DCX: variants seen among roughly 807,000 people sequenced by gnomAD.
DCX encodes the protein neuronal migration protein doublecortin.
In DCX, 4 loss-of-function variants were observed where a neutral mutation model predicts 20.9. The ratio of observed to expected loss-of-function variants is 0.19; its 90% CI spans 0.09 to 0.44. The LOEUF (loss-of-function observed/expected upper bound fraction) is 0.44, where lower values mean the gene tolerates loss of function less well. Among genes scored for constraint, DCX ranks in the 20% least tolerant of loss-of-function variants. The pLI is 0.99. For missense variants in DCX, 133 were observed against 296.9 expected (o/e 0.45, Z 4.06); for synonymous variants, 103 against 111.4 (o/e 0.92, Z 0.47).
chrX:111,316,197 A>G (rs2095071519), intron 5 of DCX, among the ~76,000 whole-genome samples: 1 of 110,202 alleles, frequency 9.1e-6, no homozygotes, highest in Non-Finnish European at 1.9e-5. Context: ...AACCAGCACA[A>G]GACAAGGATG....
chrX:111,339,817 T>C (rs1922063374), intron 3 of DCX, among the ~76,000 whole-genome samples: 1 of 111,897 alleles, frequency 8.9e-6, no homozygotes, highest in Admixed American at 9.5e-5. Flanking sequence ...TCCCTTCAGC[T>C]TTCCTTATCT....
intron 3 of DCX, among the ~76,000 whole-genome samples, chrX:111,379,861 T>C (rs896882819): frequency 9.0e-6 from 1 of 111,192 alleles, no homozygotes; most frequent in East Asian, 2.8e-4. Context: ...TCCTTGCCAA[T>C]GCTTATTATT....
chrX:111,345,908 G>A (rs1230736069), intron 3 of DCX, among the ~76,000 whole-genome samples: 1 of 110,702 alleles, frequency 9.0e-6, no homozygotes, highest in East Asian at 2.9e-4. Flanking sequence ...AGCATCTATT[G>A]TTTCTTGACT....
chrX:111,377,733 T>C (rs1925650180), intron 3 of DCX, among the ~76,000 whole-genome samples: 1 of 111,314 alleles, frequency 9.0e-6, no homozygotes, highest in South Asian at 3.8e-4. Flanking sequence ...CACTCTTCAA[T>C]GTACATTGTC....
At chrX:111,320,077 G>A (rs753909692) in intron 5 of DCX, among the ~76,000 whole-genome samples, 35 of 112,468 alleles carry the variant, frequency 3.1e-4, no homozygotes, top group Non-Finnish European at 4.7e-4. Context: ...TCACTTCACT[G>A]TTGTAAAAAT....
At chrX:111,354,719 A>G (rs1923587555) in intron 3 of DCX, among the ~76,000 whole-genome samples, 1 of 112,420 alleles carries the variant, frequency 8.9e-6, no homozygotes, top group Non-Finnish European at 1.9e-5. Context: ...GCCTGGAACG[A>G]GCTCAACTCA....
chrX:111,410,783 C>T (rs774466898), intron 1 of DCX: 255 of 1,208,251 alleles, frequency 2.1e-4, no homozygotes, highest in Non-Finnish European at 2.8e-4. Flanking sequence ...ATTGGAACTT[C>T]GGGCTAAATA....
intron 3 of DCX, among the ~76,000 whole-genome samples, chrX:111,336,430 G>A (rs992729520): frequency 8.9e-6 from 1 of 112,417 alleles, no homozygotes; most frequent in Non-Finnish European, 1.9e-5. Flanking sequence ...GTCTTTGTGT[G>A]ATCCCATTCC....
intron 3 of DCX, among the ~76,000 whole-genome samples, chrX:111,390,023 T>C (rs1474282719): frequency 8.9e-6 from 1 of 112,077 alleles, no homozygotes; most frequent in Non-Finnish European, 1.9e-5. Flanking sequence ...GGGGAGATTA[T>C]CCAGTTGGGA....
intron 3 of DCX, among the ~76,000 whole-genome samples, chrX:111,393,828 A>G (rs1010132108): frequency 9.0e-6 from 1 of 111,329 alleles, no homozygotes; most frequent in Non-Finnish European, 1.9e-5. Flanking sequence ...GGATGGAGCT[A>G]ATAAAAAAAA....
rs1200962689 is a variant in DCX, at chrX:111,295,484, G to A, written c.*6203C>T. ...TTTAGTTAAAACAGCTCAACAGTTA[G>A]CAAGCCCCAAACAAGATTATTATAG... On this transcript the variant is annotated 3_prime_UTR_variant, in exon 7 of 7. Transcript: ENST00000636035. 8.9e-6 allele frequency: 1 copy of A among 112,081 alleles called. No individual in the cohort carries two copies. The highest frequency in any genetic ancestry group is 1.9e-5 in the Non-Finnish European group (1 of 53,175). 9.2% of individuals were successfully genotyped at this position (112,081 alleles called of 1,213,427 possible).
intron 3 of DCX, among the ~76,000 whole-genome samples, chrX:111,368,348 A>G (rs927742377): frequency 1.8e-5 from 2 of 111,508 alleles, no homozygotes; most frequent in African/African-American, 6.5e-5. Context: ...AAAAAGTCCA[A>G]TTTTCTCAGA....
At chrX:111,395,868 T>C (rs757004831) in intron 3 of DCX, among the ~76,000 whole-genome samples, 108 of 112,297 alleles carry the variant, frequency 9.6e-4, no homozygotes, top group Non-Finnish European at 1.7e-3. Flanking sequence ...AGAGGTTGGC[T>C]CTGAGAGAGC....
chrX:111,343,399 A>G (rs1220372149), intron 3 of DCX, among the ~76,000 whole-genome samples: 1 of 108,051 alleles, frequency 9.3e-6, no homozygotes, highest in Non-Finnish European at 1.9e-5. Context: ...GACTGGACCA[A>G]TAACAAGTTC....
chrX:111,409,161 G>A (rs920193985), intron 2 of DCX, among the ~76,000 whole-genome samples: 16 of 111,211 alleles, frequency 1.4e-4, no homozygotes, highest in African/African-American at 5.2e-4. Context: ...AAATAGGGAA[G>A]CATCCTCAGT....
intron 3 of DCX, among the ~76,000 whole-genome samples, chrX:111,353,670 G>A (rs954656187): frequency 9.0e-6 from 1 of 111,091 alleles, no homozygotes; most frequent in Non-Finnish European, 1.9e-5. Flanking sequence ...TCTAGAATTG[G>A]TCTTTTATTC....
intron 5 of DCX, among the ~76,000 whole-genome samples, chrX:111,325,697 C>T (rs922496965): frequency 2.7e-4 from 30 of 111,825 alleles, no homozygotes; most frequent in Non-Finnish European, 4.7e-4. Context: ...AACTGAGATA[C>T]GTTGTAAGTG....
At chrX:111,319,041 C>T (rs1352812942) in intron 5 of DCX, among the ~76,000 whole-genome samples, 2 of 112,307 alleles carry the variant, frequency 1.8e-5, no homozygotes, top group Admixed American at 1.9e-4. Context: ...CATAATGGCT[C>T]AAGCACAGGG....
At chrX:111,384,004 A>G (rs925906070) in intron 3 of DCX, among the ~76,000 whole-genome samples, 2 of 111,535 alleles carry the variant, frequency 1.8e-5, no homozygotes, top group Non-Finnish European at 3.8e-5. Flanking sequence ...GGGTTAAAGG[A>G]CGGCTGAAGT....
Sources: gnomAD v4.1 joint callset for allele counts (sites outside exome capture counted in the v4.1 genomes callset) on GRCh38, gnomAD v4.1.1 for gene constraint, MANE v1.5 for transcripts, NCBI Gene and HGNC (gene_info 2026-07-23, HGNC 2026-07-21) for gene names.